ACTR3B: variants seen among roughly 807,000 people sequenced by gnomAD.
The protein encoded by ACTR3B is actin related protein 3B.
In ACTR3B, 8 loss-of-function variants were observed where a neutral mutation model predicts 59.0. The ratio of observed to expected loss-of-function variants is 0.14; its 90% CI spans 0.08 to 0.24. The LOEUF (loss-of-function observed/expected upper bound fraction) is 0.24, where lower values mean the gene tolerates loss of function less well. Ranked by LOEUF, ACTR3B falls within the 10% of genes least tolerant of loss-of-function variation. ACTR3B has a pLI of 1.00. For synonymous variants in ACTR3B, 148 were observed against 197.9 expected (o/e 0.75, Z 2.12); for missense variants, 245 against 552.3 (o/e 0.44, Z 5.58).
At position 152,809,409 on chromosome 7, in the gene ACTR3B, G is replaced by A. The variant is rs546365230; in HGVS notation, c.337-5141G>A. On this transcript the variant is annotated intron_variant, in intron 4 of 11. Transcript: ENST00000256001. Reference sequence around the variant, plus strand: ...AGGTGCTGGAAGATTTCTAGGGAGCGTGCCCCCCTCGCCTCTTTCCTGCCT... The same window carrying A: ...AGGTGCTGGAAGATTTCTAGGGAGCATGCCCCCCTCGCCTCTTTCCTGCCT... 5.9e-5 allele frequency among the ~76,000 whole-genome samples: 9 copies of A among 152,240 alleles called. No homozygotes were observed. In the South Asian group the frequency reaches 6.2e-4, roughly 11 times the overall value.
Position 152,778,603 on chromosome 7 carries a change from A to G in ACTR3B, c.45-4584A>G, listed in dbSNP as rs745436894. 1.3e-4 allele frequency among the ~76,000 whole-genome samples: 20 copies of G among 151,748 alleles called. No individual in the cohort carries two copies. The South Asian group carries it at 1.5e-3, about 11-fold the overall frequency. On this transcript the variant is annotated intron_variant, in intron 1 of 11. Coordinates refer to ENST00000256001, the MANE Select transcript of ACTR3B (RefSeq NM_020445.6). ...CATTTCCTACATTATTTTTTTTCAT[A>G]GAGTACCTAAACACACAGTGTTTTA...
Position 152,793,296 on chromosome 7 carries a change from A to G in ACTR3B, c.101-7235A>G, listed in dbSNP as rs530828342. ...CCACAAATGCTAAATCTTTTCTTAT[A>G]TATCCCAGATGTCCCTGAGGCTCTG... On this transcript the variant is annotated intron_variant, in intron 2 of 11. Coordinates refer to ENST00000256001, the MANE Select transcript of ACTR3B (RefSeq NM_020445.6). Among the ~76,000 whole-genome samples the G allele has an allele frequency of 2.9e-3, 186 of 64,326 alleles. 12 individuals are homozygous for G. Among genetic ancestry groups the G allele is most frequent in the African/African-American group, 0.01 (164 of 15,928 alleles). 42.2% of individuals were successfully genotyped at this position (64,326 alleles called of 152,430 possible). A position where few individuals can be genotyped will look rare whatever the true frequency, so the allele number is the denominator to read the frequency against.
chr7:152,773,485 G>A (rs187758189), intron 1 of ACTR3B, among the ~76,000 whole-genome samples: 3,776 of 152,088 alleles, frequency 0.025, 152 homozygotes, highest in African/African-American at 0.084. Context: ...TACTCAGGAG[G>A]CTGAGGCAGG....
At chr7:152,822,520 G>C (rs950121431) in intron 7 of ACTR3B, among the ~76,000 whole-genome samples, 1 of 152,238 alleles carries the variant, frequency 6.6e-6, no homozygotes, top group African/African-American at 2.4e-5. Flanking sequence ...AGCAGCAGCA[G>C]CATCCTGGCG....
At chr7:152,838,093 TTGG>T (rs534979898) in intron 9 of ACTR3B, among the ~76,000 whole-genome samples, 162 of 151,518 alleles carry the variant, frequency 1.1e-3, no homozygotes, top group African/African-American at 3.7e-3. Flanking sequence ...AACATGGTGG[TTGG>T]TGGTAAGAAT....
chr7:152,816,440 A>G lies in ACTR3B; in HGVS notation c.433-41A>G, dbSNP rs1351392003. Reference sequence around the variant, plus strand: ...AAGGAGCAGGCAGGTGGCTTTAGAAAGAGTTCCTATGTGCGAGCGGTTTTC... The same window carrying G: ...AAGGAGCAGGCAGGTGGCTTTAGAAGGAGTTCCTATGTGCGAGCGGTTTTC... On this transcript the variant is annotated intron_variant, in intron 5 of 11. Coordinates refer to ENST00000256001, the MANE Select transcript of ACTR3B (RefSeq NM_020445.6). 15 of 1,511,194 alleles carry G rather than the reference A, an allele frequency of 9.9e-6. No individual in the cohort carries two copies. The South Asian group carries it at 1.1e-4, about 11-fold the overall frequency. 93.6% of individuals were successfully genotyped at this position (1,511,194 alleles called of 1,614,324 possible). A position where few individuals can be genotyped will look rare whatever the true frequency, so the allele number is the denominator to read the frequency against.
chr7:152,854,463 G>A lies in ACTR3B; in HGVS notation c.1167G>A (p.Glu389=), dbSNP rs768077117. Residue 389 remains glutamate (E), a synonymous_variant, in exon 12 of 12, where the codon GAG becomes GAA. Coordinates refer to ENST00000256001, the MANE Select transcript of ACTR3B (RefSeq NM_020445.6). The surrounding 1 kb of genome is among the most constrained non-coding windows in gnomAD (Gnocchi z 4.9). ...CTGCCTGTTGCCTCTCGTAGCCCGAGTTCTTTCAGGTCTGCCACACCAAGA... is the reference window on the plus strand; with the variant it reads ...CTGCCTGTTGCCTCTCGTAGCCCGAATTCTTTCAGGTCTGCCACACCAAGA... ...FGGSMLASTP[E]FFQVCHTKKD... The A allele has an allele frequency of 6.8e-6, 11 of 1,614,026 alleles. No individual in the cohort carries two copies. In the South Asian group the frequency reaches 1.2e-4, roughly 18 times the overall value.
chr7:152,769,805 A>G (rs942377803), intron 1 of ACTR3B, among the ~76,000 whole-genome samples: 24 of 151,854 alleles, frequency 1.6e-4, no homozygotes, highest in Non-Finnish European at 2.8e-4. Context: ...AACTATGAGT[A>G]ATTATGAAAT....
chr7:152,765,015 T>C (rs535396395), intron 1 of ACTR3B, among the ~76,000 whole-genome samples: 1 of 152,288 alleles, frequency 6.6e-6, no homozygotes, highest in African/African-American at 2.4e-5. Context: ...TCCTCCAAAG[T>C]TCTACAGTGT....
intron 1 of ACTR3B, among the ~76,000 whole-genome samples, chr7:152,760,716 G>T (rs1021759581): frequency 6.6e-6 from 1 of 152,160 alleles, no homozygotes; most frequent in African/African-American, 2.4e-5. Flanking sequence ...TTCTTTCGTT[G>T]CCGTTAAGCT....
intron 4 of ACTR3B, among the ~76,000 whole-genome samples, chr7:152,806,227 A>G (rs372653684): frequency 7.9e-5 from 12 of 152,242 alleles, no homozygotes; most frequent in East Asian, 3.8e-4. Context: ...TATAACATCA[A>G]TAGTGGTGGA....
At chr7:152,801,785 A>AT (rs969021671) in intron 4 of ACTR3B, 54 bp downstream of exon 4, 2 of 620,492 alleles carry the variant, frequency 3.2e-6, no homozygotes, top group African/African-American at 3.8e-5. Flanking sequence ...AATTGCTTAG[A>AT]TTTTAAACTG....
chr7:152,792,385 T>C (rs1233318521), intron 2 of ACTR3B, among the ~76,000 whole-genome samples: 1 of 152,162 alleles, frequency 6.6e-6, no homozygotes, highest in African/African-American at 2.4e-5. Context: ...ATTCCTTCTT[T>C]TATCATTTCT....
intron 9 of ACTR3B, among the ~76,000 whole-genome samples, chr7:152,846,902 T>C (rs1247479452): frequency 2.9e-5 from 4 of 137,758 alleles, no homozygotes; most frequent in African/African-American, 5.5e-5. Flanking sequence ...GCCCGGGCTG[T>C]AGTCTGCAGT....
chr7:152,851,990 T>A, intron 9 of ACTR3B, 136 bp from the exon 10 acceptor site: 1 of 1,227,838 alleles, frequency 8.1e-7, no homozygotes, highest in Non-Finnish European at 1.2e-6. Flanking sequence ...TTAAGTTTGC[T>A]TTTGTTCGCA....
chr7:152,846,851 G>A (rs1232069710), intron 9 of ACTR3B, among the ~76,000 whole-genome samples: 2 of 145,736 alleles, frequency 1.4e-5, no homozygotes, highest in Non-Finnish European at 3.0e-5. Flanking sequence ...AGTCTGCAGT[G>A]AGCTCTAGTG....
chr7:152,812,276 C>T (rs1795330250), intron 4 of ACTR3B: 1 of 96,528 alleles, frequency 1.0e-5, no homozygotes, highest in African/African-American at 2.8e-5. Flanking sequence ...GGTGATCCGC[C>T]CGCCTCGGCC....
chr7:152,802,267 G>A (rs2098239165), intron 4 of ACTR3B, among the ~76,000 whole-genome samples: 1 of 151,988 alleles, frequency 6.6e-6, no homozygotes, highest in African/African-American at 2.4e-5. Context: ...CCTGTCTGAT[G>A]TTCTGGACCC....
chr7:152,852,791 C>CT (rs946505263), intron 10 of ACTR3B, among the ~76,000 whole-genome samples: 8 of 151,764 alleles, frequency 5.3e-5, no homozygotes, highest in Non-Finnish European at 8.8e-5. Context: ...AGTTTCTTTT[C>CT]TTTTTTTTCT....
Sources: gnomAD v4.1 joint callset for allele counts (sites outside exome capture counted in the v4.1 genomes callset) on GRCh38, gnomAD v4.1.1 for gene constraint, Gnocchi (gnomAD v3.1) non-coding constraint, MANE v1.5 for transcripts, NCBI Gene and HGNC (gene_info 2026-07-23, HGNC 2026-07-21) for gene names.